The following ZNF331 variants were observed in gnomAD, a reference collection of about 807,000 sequenced individuals.
The protein encoded by ZNF331 is zinc finger protein 331, also known as C2H2-like zinc finger protein rearranged in thyroid adenomas.
ZNF331 carries 2 observed loss-of-function variants against 7.0 expected under a neutral mutation model. That is an observed-to-expected ratio of 0.29 (90% confidence interval 0.12 to 0.90). The LOEUF (loss-of-function observed/expected upper bound fraction) is 0.90, where lower values mean the gene tolerates loss of function less well. Ranked by LOEUF, ZNF331 falls within the 40% of genes least tolerant of loss-of-function variation. The pLI, the probability that ZNF331 is intolerant of heterozygous loss-of-function variation, is 0.58. For missense variants in ZNF331, 432 were observed against 587.7 expected (o/e 0.74, Z 2.74); for synonymous variants, 196 against 205.4 (o/e 0.95, Z 0.39).
intron 2 of ZNF331, among the ~76,000 whole-genome samples, chr19:53,541,395 C>T (rs181289163): frequency 1.5e-3 from 226 of 152,140 alleles, no homozygotes; most frequent in African/African-American, 4.8e-3. Context: ...CGTGAGCCAC[C>T]GTGCCCGGCC....
chr19:53,560,428 T>C lies in ZNF331; in HGVS notation c.-74+4520T>C, dbSNP rs2089813384. ...ACAATTATATCACAAGGTCTGATTG[T>C]ATTACTGAGACACAGTGAAAGGATG... is the stretch of plus-strand genomic sequence containing the variant. On this transcript the variant is annotated intron_variant, in intron 3 of 5. Coordinates refer to ENST00000449416, the MANE Select transcript of ZNF331 (RefSeq NM_001079906.2). The surrounding 1 kb of genome is among the most constrained non-coding windows in gnomAD (Gnocchi z 4.3). Among the ~76,000 whole-genome samples, 1 of 152,136 alleles carries C rather than the reference T, an allele frequency of 6.6e-6. No homozygotes were observed. Among genetic ancestry groups the C allele is most frequent in the South Asian group, 2.1e-4 (1 of 4,828 alleles).
At position 53,573,899 on chromosome 19, in the gene ZNF331, A is replaced by T. The variant is rs1386390009; in HGVS notation, c.136+2169A>T. 6.6e-6 allele frequency among the ~76,000 whole-genome samples: 1 copy of T among 152,178 alleles called. No homozygotes were observed. The highest frequency in any genetic ancestry group is 1.5e-5 in the Non-Finnish European group (1 of 68,022). ...AGTCCAAGGCGGGCAGATCACCTGA[A>T]GTCAGGACTTCAAGACCAGCCTGGC... On this transcript the variant is annotated intron_variant, in intron 5 of 5. Transcript: ENST00000449416. The surrounding 1 kb of genome is among the most constrained non-coding windows in gnomAD (Gnocchi z 4.2).
chr19:53,557,411 G>A (rs1276563061), intron 3 of ZNF331, among the ~76,000 whole-genome samples: 2 of 152,128 alleles, frequency 1.3e-5, no homozygotes, highest in East Asian at 3.9e-4. Context: ...GAGCTCTCTG[G>A]GATCGTTTTT....
rs574849286 is a variant in ZNF331, at chr19:53,561,678, C to A, written c.-74+5770C>A. Among the ~76,000 whole-genome samples, 37 of 152,218 alleles carry A rather than the reference C, an allele frequency of 2.4e-4. 1 individual carries two copies. The highest frequency in any genetic ancestry group is 8.2e-4 in the African/African-American group (34 of 41,512). Reference sequence around the variant, plus strand: ...GACCAACCTGAGCAACATAGTGAGACCTCATCTCTCCAAAAATTTAAAAAA... The same window carrying A: ...GACCAACCTGAGCAACATAGTGAGAACTCATCTCTCCAAAAATTTAAAAAA... On this transcript the variant is annotated intron_variant, in intron 3 of 5. Coordinates refer to ENST00000449416, the MANE Select transcript of ZNF331 (RefSeq NM_001079906.2).
chr19:53,544,109 C>T, intron 2 of ZNF331, among the ~76,000 whole-genome samples: 1 of 151,642 alleles, frequency 6.6e-6, no homozygotes, highest in East Asian at 1.9e-4. Context: ...CACCTGTAGT[C>T]CCAGCTACTC....
At chr19:53,557,723 G>A (rs1163734752) in intron 3 of ZNF331, among the ~76,000 whole-genome samples, 1 of 124,586 alleles carries the variant, frequency 8.0e-6, no homozygotes, top group Non-Finnish European at 1.7e-5. Context: ...AGGACTTTAG[G>A]AGGCCGAGGC....
intron 3 of ZNF331, among the ~76,000 whole-genome samples, chr19:53,564,638 T>G (rs2090069689): frequency 6.6e-6 from 1 of 152,250 alleles, no homozygotes; most frequent in Non-Finnish European, 1.5e-5. Context: ...AAATTTTTTC[T>G]CAATTAATCT....
chr19:53,506,444 G>GTCTCTCTCTCTCTCTCTC, the ZNF331 span, among the ~76,000 whole-genome samples: 7 of 86,262 alleles, frequency 8.1e-5, no homozygotes, highest in Admixed American at 1.4e-4. Context: ...CTCTCTCTCT[G>GTCTCTCTCTCTCTCTCTC]TCTCTCTCTC....
In ZNF331 at chr19:53,571,755, T is replaced by TA. The variant is rs2090454570; in HGVS notation, c.136+26dup. ...GGTGAGTTGCACGCCTCAGATAACT[T>TA]AGACTGCCTCCTGGAATATCCGCTC... is the stretch of plus-strand genomic sequence containing the variant. On this transcript the variant is annotated intron_variant, in intron 5 of 5. Transcript: ENST00000449416. This position sits in a 1 kb window ranked among gnomAD's most constrained non-coding sequence, Gnocchi z 4.7. The TA allele has an allele frequency of 6.3e-7, 1 of 1,584,638 alleles. No homozygotes were observed. The highest frequency in any genetic ancestry group is 8.6e-7 in the Non-Finnish European group (1 of 1,165,140).
Position 53,577,787 on chromosome 19 carries a change from AC to A in ZNF331, c.1230del (p.Tyr411MetfsTer41), listed in dbSNP as rs1415519351. On this transcript the variant is annotated frameshift_variant, in exon 6 of 6. Coordinates refer to ENST00000449416, the MANE Select transcript of ZNF331 (RefSeq NM_001079906.2). LOFTEE classifies it low-confidence loss of function (END_TRUNC). ...KHERIHTGVKPYGCTECGKSF... is the reference protein window; with the variant it reads ...KHERIHTGVKXYGCTECGKSF... ...ATGAGAGAATTCATACCGGGGTGAA[AC>A]CCTATGGGTGTACAGAATGTGGGAA... is the stretch of plus-strand genomic sequence containing the variant. The A allele has an allele frequency of 6.2e-7, 1 of 1,614,048 alleles. No homozygotes were observed. Among genetic ancestry groups the A allele is most frequent in the Non-Finnish European group, 8.5e-7 (1 of 1,179,994 alleles).
At chr19:53,519,277 T>A (rs781768751), upstream of ZNF331, among the ~76,000 whole-genome samples, 99 of 152,086 alleles carry the variant, frequency 6.5e-4, no homozygotes, top group Non-Finnish European at 1.5e-4. Context: ...CAGCATATAT[T>A]TTTTAGGGCA....
Position 53,573,292 on chromosome 19 carries a change from G to T in ZNF331, c.136+1562G>T, listed in dbSNP as rs951360244. ...ACAAGACTGGCAGGCCAAGGCAGAC[G>T]GATCACGAAGATAGGAGTTCGAGAC... is the stretch of plus-strand genomic sequence containing the variant. On this transcript the variant is annotated intron_variant, in intron 5 of 5. Transcript: ENST00000449416. The surrounding 1 kb of genome is among the most constrained non-coding windows in gnomAD (Gnocchi z 4.2). Among the ~76,000 whole-genome samples, 1 of 151,424 alleles carries T rather than the reference G, an allele frequency of 6.6e-6. No homozygotes were observed.
At chr19:53,508,680 C>T in the ZNF331 span, among the ~76,000 whole-genome samples, 39 of 152,254 alleles carry the variant, frequency 2.6e-4, no homozygotes, top group African/African-American at 9.4e-4. Flanking sequence ...TCTGACCATT[C>T]CAGGCACAAT....
At chr19:53,517,526 C>G (rs1490756421), upstream of ZNF331, among the ~76,000 whole-genome samples, 1 of 152,096 alleles carries the variant, frequency 6.6e-6, no homozygotes, top group Non-Finnish European at 1.5e-5. Flanking sequence ...AAGTTTCTAC[C>G]CACATCAAAG....
At chr19:53,544,347 C>T (rs551121932) in intron 2 of ZNF331, among the ~76,000 whole-genome samples, 104 of 151,346 alleles carry the variant, frequency 6.9e-4, no homozygotes, top group African/African-American at 2.3e-3. Context: ...AGATGGAGAC[C>T]ATCCTGGCTA....
Position 53,560,304 on chromosome 19 carries a change from C to T in ZNF331, c.-74+4396C>T, listed in dbSNP as rs556569673. ...ATATATATGCACATATATATATACACCCACACCATATACACACACATACAC... is the reference window on the plus strand; with the variant it reads ...ATATATATGCACATATATATATACATCCACACCATATACACACACATACAC... On this transcript the variant is annotated intron_variant, in intron 3 of 5. Transcript: ENST00000449416. This position sits in a 1 kb window ranked among gnomAD's most constrained non-coding sequence, Gnocchi z 4.3. Among the ~76,000 whole-genome samples, 14 of 151,686 alleles carry T rather than the reference C, an allele frequency of 9.2e-5. No individual in the cohort carries two copies. Among genetic ancestry groups the T allele is most frequent in the Admixed American group, 2.0e-4 (3 of 15,224 alleles).
At chr19:53,538,102 A>G (rs1324790009), upstream of ZNF331, 3 of 152,052 alleles carry the variant, frequency 2.0e-5, no homozygotes, top group Non-Finnish European at 2.9e-5. Flanking sequence ...GCGCGTGCGC[A>G]TGCGCGCTGG....
chr19:53,503,856 A>G, the ZNF331 span: 4 of 691,116 alleles, frequency 5.8e-6, no homozygotes, highest in Non-Finnish European at 1.1e-5. Context: ...AGCAACAAAA[A>G]TACCACAAAG....
upstream of ZNF331, chr19:53,536,273 A>C (rs2087745344): frequency 6.6e-6 from 1 of 151,676 alleles, no homozygotes; most frequent in African/African-American, 2.4e-5. Context: ...TGTGTGTTTC[A>C]TGTGGATGAT....
Sources: allele counts gnomAD v4.1 joint callset (sites outside exome capture counted in the v4.1 genomes callset), GRCh38; gene constraint gnomAD v4.1.1; non-coding constraint Gnocchi (gnomAD v3.1); transcripts MANE v1.5; gene names NCBI Gene and HGNC (gene_info 2026-07-23, HGNC 2026-07-21).